Variants in CARHSP1 observed in about 807,000 individuals in gnomAD.
The protein encoded by CARHSP1 is calcium regulated heat stable protein 1.
CARHSP1 carries 14 observed loss-of-function variants against 12.5 expected under a neutral mutation model. That is an observed-to-expected ratio of 1.12 (90% CI 0.74 to 1.75). The LOEUF (loss-of-function observed/expected upper bound fraction) is 1.75. Among genes scored for constraint, CARHSP1 ranks in the 40% most tolerant of loss-of-function variants. The pLI, the probability that CARHSP1 is intolerant of heterozygous loss-of-function variation, is 0.00. For missense variants in CARHSP1, 343 were observed against 201.6 expected, an observed-to-expected ratio of 1.70 and a Z score of -4.25; for synonymous variants, 161 against 82.0, an observed-to-expected ratio of 1.96 and a Z score of -5.20.
intron 1 of CARHSP1, among the ~76,000 whole-genome samples, chr16:8,865,242 T>C (rs2061434950): frequency 6.6e-6 from 1 of 152,146 alleles, no homozygotes; most frequent in Non-Finnish European, 1.5e-5. Context: ...CCCGAGTAGC[T>C]GGGACTACAG....
chr16:8,859,647 G>GT (rs1242460537), intron 1 of CARHSP1, among the ~76,000 whole-genome samples: 3 of 152,190 alleles, frequency 2.0e-5, no homozygotes, highest in Admixed American at 6.6e-5. Context: ...GGGACACATA[G>GT]TATTTGTGGG....
intron 1 of CARHSP1, chr16:8,860,505 A>T: frequency 1.0e-6 from 1 of 985,442 alleles, no homozygotes; most frequent in Non-Finnish European, 1.2e-6. Flanking sequence ...TTCAGGGGAA[A>T]GAGAAACAGT....
chr16:8,860,538 T>A (rs2061319534), intron 1 of CARHSP1: 2 of 984,902 alleles, frequency 2.0e-6, no homozygotes, highest in African/African-American at 3.5e-5. Flanking sequence ...GGCCCTTGGG[T>A]AAGTCCTTTC....
intron 1 of CARHSP1, chr16:8,868,503 C>A (rs1369696879): frequency 6.7e-6 from 1 of 149,884 alleles, no homozygotes; most frequent in Non-Finnish European, 1.5e-5. Flanking sequence ...CTCCCCACCT[C>A]CCCCGCCGGG....
At chr16:8,859,427 G>C (rs575541106) in intron 1 of CARHSP1, 92 bp from the exon 2 acceptor site, 1 of 1,174,994 alleles carries the variant, frequency 8.5e-7, no homozygotes, top group African/African-American at 1.5e-5. Context: ...TCCAGTATCT[G>C]AGGCTCATTC....
rs996299646 is a variant in CARHSP1, at chr16:8,858,343, G to C, written c.281+7C>G. On this transcript the variant is annotated splice_region_variant and intron_variant, in intron 3 of 3. Transcript: ENST00000311052. ...AGCCAGGCCACCCAGACCTGCCGCT[G>C]ACTCACTCAGAGATGTGCAGGAAGA... The C allele has an allele frequency of 2.3e-5, 37 of 1,613,012 alleles. No individual in the cohort carries two copies. Among genetic ancestry groups the C allele is most frequent in the Non-Finnish European group, 2.8e-5 (33 of 1,179,898 alleles).
intron 3 of CARHSP1, among the ~76,000 whole-genome samples, chr16:8,856,729 T>G (rs766578629): frequency 2.0e-5 from 3 of 152,178 alleles, no homozygotes; most frequent in Admixed American, 6.5e-5. Context: ...GGACTCTGTC[T>G]GCCCCTGCCT....
intron 2 of CARHSP1, 117 bp from the exon 3 acceptor site, chr16:8,858,589 A>C: frequency 7.8e-7 from 1 of 1,281,582 alleles, no homozygotes; most frequent in Non-Finnish European, 1.1e-6. Flanking sequence ...CGCCATGTAC[A>C]GTCACACAGG....
At position 8,864,807 on chromosome 16, in the gene CARHSP1, C is replaced by G. The variant is rs567984512; in HGVS notation, c.-8+4159G>C. On this transcript the variant is annotated intron_variant, in intron 1 of 3. Coordinates refer to ENST00000311052, the MANE Select transcript of CARHSP1 (RefSeq NM_014316.4). Reference sequence around the variant, plus strand: ...TCGGCTGGGAGAAGGGGGCCTCGGCCGAAAATAGCCTGGGAATTTTCCGTA... The same window carrying G: ...TCGGCTGGGAGAAGGGGGCCTCGGCGGAAAATAGCCTGGGAATTTTCCGTA... Among the ~76,000 whole-genome samples, 4 of 152,264 alleles carry G rather than the reference C, an allele frequency of 2.6e-5. No homozygotes were observed. The South Asian group carries it at 6.2e-4, about 24-fold the overall frequency.
intron 1 of CARHSP1, among the ~76,000 whole-genome samples, chr16:8,863,663 G>T (rs921170607): frequency 6.6e-6 from 1 of 152,164 alleles, no homozygotes; most frequent in African/African-American, 2.4e-5. Context: ...GGCCAGAGTA[G>T]GCCTGGCCAA....
intron 1 of CARHSP1, among the ~76,000 whole-genome samples, chr16:8,863,692 T>C (rs2061408009): frequency 6.6e-6 from 1 of 151,518 alleles, no homozygotes; most frequent in African/African-American, 2.4e-5. Flanking sequence ...CACTCCCCAG[T>C]AGGCCCAGCA....
At chr16:8,862,258 T>C (rs2061378463) in intron 1 of CARHSP1, among the ~76,000 whole-genome samples, 1 of 152,002 alleles carries the variant, frequency 6.6e-6, no homozygotes, top group African/African-American at 2.4e-5. Flanking sequence ...AGTTTCCACA[T>C]CTGGAAAATG....
intron 3 of CARHSP1, among the ~76,000 whole-genome samples, chr16:8,855,848 A>T (rs961514436): frequency 6.6e-5 from 10 of 152,082 alleles, no homozygotes; most frequent in Non-Finnish European, 1.5e-4. Flanking sequence ...TTTGAGACAG[A>T]GTCTTGTTCT....
intron 3 of CARHSP1, among the ~76,000 whole-genome samples, chr16:8,855,980 T>C (rs1382847318): frequency 1.3e-5 from 2 of 148,912 alleles, no homozygotes; most frequent in Non-Finnish European, 3.0e-5. Context: ...AGCTAATTTT[T>C]GTATTTTTAG....
At position 8,861,158 on chromosome 16, in the gene CARHSP1, ATTTTTTTTTTTTTTTTTT is replaced by A. The variant is rs765114977; in HGVS notation, c.-7-1841_-7-1824del. On this transcript the variant is annotated intron_variant, in intron 1 of 3. Coordinates refer to ENST00000311052, the MANE Select transcript of CARHSP1 (RefSeq NM_014316.4). ...ACTGTAGCCTTGACCTCCATGCCTA[ATTTTTTTTTTTTTTTTTT>A]TTTTTTTTTTTTTTTTTTTTTTTAT... 3.1e-4 allele frequency among the ~76,000 whole-genome samples: 16 copies of A among 51,268 alleles called. No individual in the cohort carries two copies. The South Asian group carries it at 3.2e-3, about 10-fold the overall frequency. The allele number at this position is 51,268 out of a possible 152,430, so 33.6% of individuals were successfully genotyped here.
At chr16:8,866,643 C>T (rs77122936) in intron 1 of CARHSP1, among the ~76,000 whole-genome samples, 6,654 of 152,058 alleles carry the variant, frequency 0.044, 179 homozygotes, top group East Asian at 0.09. Context: ...TAGCCACATT[C>T]CCCTCCATTG....
In CARHSP1 at chr16:8,855,239, G is replaced by C; in HGVS notation, c.369C>G (p.Ala123=). 1 of 1,613,034 alleles carries C rather than the reference G, an allele frequency of 6.2e-7. No homozygotes were observed. Among genetic ancestry groups the C allele is most frequent in the Non-Finnish European group, 8.5e-7 (1 of 1,179,392 alleles). ...SIPPKNEKLQ[A]VEVVITHLAP... Reference sequence around the variant, plus strand: ...CCAGGTGAGTGATGACGACCTCCACGGCCTGCAGCTTCTCATTCTTGGGTG... The same window carrying C: ...CCAGGTGAGTGATGACGACCTCCACCGCCTGCAGCTTCTCATTCTTGGGTG... Residue 123 remains alanine (A), a synonymous_variant, in exon 4 of 4, where the codon GCC becomes GCG. Transcript: ENST00000311052.
intron 1 of CARHSP1, chr16:8,861,520 C>G: frequency 9.7e-7 from 1 of 1,036,080 alleles, no homozygotes; most frequent in Non-Finnish European, 1.3e-6. Flanking sequence ...AGAACCAGGC[C>G]CGACTGCTCA....
intron 1 of CARHSP1, among the ~76,000 whole-genome samples, chr16:8,863,726 C>T (rs1392371585): frequency 6.6e-6 from 1 of 151,032 alleles, no homozygotes; most frequent in Non-Finnish European, 1.5e-5. Flanking sequence ...GGCCTCAGTG[C>T]GGGGGAGGGC....
Sources: gnomAD v4.1 joint callset for allele counts (sites outside exome capture counted in the v4.1 genomes callset) on GRCh38, gnomAD v4.1.1 for gene constraint, MANE v1.5 for transcripts, NCBI Gene and HGNC (gene_info 2026-07-23, HGNC 2026-07-21) for gene names.